Variants in FLNB observed in about 807,000 individuals in gnomAD.
The protein encoded by FLNB is filamin B.
A neutral mutation model predicts 250.6 loss-of-function variants in FLNB; 111 were observed. The observed-to-expected ratio is 0.44, with a 90% CI of 0.38 to 0.52. The LOEUF (loss-of-function observed/expected upper bound fraction) is 0.52, where lower values mean the gene tolerates loss of function less well. FLNB is among the 20% of genes least tolerant of loss of function. FLNB has a pLI of 0.00. For missense variants in FLNB, 2,869 were observed against 3,447.8 expected (o/e 0.83, Z 4.20); for synonymous variants, 1,302 against 1,372.1 (o/e 0.95, Z 1.13).
chr3:58,045,284 G>A (rs375058745), intron 1 of FLNB, among the ~76,000 whole-genome samples: 30 of 152,104 alleles, frequency 2.0e-4, no homozygotes, highest in African/African-American at 6.8e-4. Context: ...TGAAAATGAC[G>A]TTCCCTTCAC....
At chr3:58,055,912 A>G (rs1459606575) in intron 1 of FLNB, among the ~76,000 whole-genome samples, 1 of 152,150 alleles carries the variant, frequency 6.6e-6, no homozygotes, top group Non-Finnish European at 1.5e-5. Context: ...AAGAACTACT[A>G]TAATTATCAT....
chr3:58,096,079 C>A, intron 5 of FLNB, 62 bp from the exon 6 acceptor site: 1 of 1,317,650 alleles, frequency 7.6e-7, no homozygotes, highest in Non-Finnish European at 1.1e-6. Flanking sequence ...CCCCTGCTGA[C>A]ACAGCATGCT....
Position 58,149,861 on chromosome 3 carries a change from A to T in FLNB, c.6103A>T (p.Ile2035Leu), listed in dbSNP as rs1171752585. 1.2e-5 allele frequency: 20 copies of T among 1,614,250 alleles called. No individual in the cohort carries two copies. Among genetic ancestry groups the T allele is most frequent in the Non-Finnish European group, 1.7e-5 (20 of 1,180,046 alleles). ...CTGCTGTGTTGCAGGTTATGGTGGC[A>T]TATCCTTGGCGGTGGAAGGCCCCAG... ...VDTRDAGYGGISLAVEGPSKV... is the reference protein window; with the variant it reads ...VDTRDAGYGGLSLAVEGPSKV... Residue 2035 changes from isoleucine (I) to leucine (L), a missense_variant, in exon 37 of 46, where the codon ATA (isoleucine) becomes TTA (leucine). Coordinates refer to ENST00000295956, the MANE Select transcript of FLNB (RefSeq NM_001457.4).
chr3:58,031,503 A>G (rs2097131057), intron 1 of FLNB, among the ~76,000 whole-genome samples: 1 of 148,876 alleles, frequency 6.7e-6, no homozygotes, highest in South Asian at 2.1e-4. Flanking sequence ...CGGCCTCCCA[A>G]AGTGCTAGGG....
At chr3:58,079,256 T>C (rs945313242) in intron 3 of FLNB, among the ~76,000 whole-genome samples, 1 of 32,580 alleles carries the variant, frequency 3.1e-5, no homozygotes, top group African/African-American at 7.3e-4. Context: ...GGACTTAAAA[T>C]TTTTTTTTTT....
rs1262691162 is a variant in FLNB, at chr3:58,142,208, C to G, written c.5181+279C>G. 6.6e-6 allele frequency among the ~76,000 whole-genome samples: 1 copy of G among 152,212 alleles called. No individual in the cohort carries two copies. The highest frequency in any genetic ancestry group is 2.4e-5 in the African/African-American group (1 of 41,444). ...AAAGAGAAAGACAGACAGCTGTCTG[C>G]AGCCCTCCTGCTGCCTCTCAAAGCC... On this transcript the variant is annotated intron_variant, in intron 30 of 45. Coordinates refer to ENST00000295956, the MANE Select transcript of FLNB (RefSeq NM_001457.4). This position sits in a 1 kb window ranked among gnomAD's most constrained non-coding sequence, Gnocchi z 4.3.
Position 58,138,466 on chromosome 3 carries a change from C to T in FLNB, c.5046C>T (p.Gly1682=). Residue 1682 remains glycine (G), a synonymous_variant, in exon 29 of 46, where the codon GGC becomes GGT. Transcript: ENST00000295956. The part of the protein sequence containing the change: ...YDIFYTAAKP[G]TYVIYVRFGG... ...TCTTCTACACAGCTGCCAAGCCGGG[C>T]ACATATGTGATCTATGTGCGCTTCG... 6.2e-7 allele frequency: 1 copy of T among 1,614,088 alleles called. No individual in the cohort carries two copies. Among genetic ancestry groups the T allele is most frequent in the East Asian group, 2.2e-5 (1 of 44,884 alleles).
At position 58,121,458 on chromosome 3, in the gene FLNB, G is replaced by A. The variant is rs760076678; in HGVS notation, c.3081G>A (p.Gly1027=). ...DVTYDGHPVP[G]SPYTVEASLP... is the part of the protein sequence containing the mutation. ...CCTACGATGGACACCCTGTGCCCGG[G>A]AGCCCCTACACAGTGGAGGCCTCGC... The change falls in exon 20 of 46, where the codon GGG becomes GGA. Residue 1027 remains glycine (G), a synonymous_variant. Coordinates refer to ENST00000295956, the MANE Select transcript of FLNB (RefSeq NM_001457.4). 1.2e-6 allele frequency: 2 copies of A among 1,614,136 alleles called. No individual in the cohort carries two copies. The highest frequency in any genetic ancestry group is 1.7e-6 in the Non-Finnish European group (2 of 1,180,030).
rs373624291 is a variant in FLNB at position 58,093,086 on chromosome 3, G to T, written c.788-1750G>T. ...TGTCCAGGTTTGCTACAAATCAGAA[G>T]GTCCCATTACCCCTTCCTCATGTTA... On this transcript the variant is annotated intron_variant, in intron 4 of 45. Coordinates refer to ENST00000295956, the MANE Select transcript of FLNB (RefSeq NM_001457.4). Among the ~76,000 whole-genome samples the T allele has an allele frequency of 1.6e-4, 24 of 152,294 alleles. No individual in the cohort carries two copies. The South Asian group carries it at 5.0e-3, about 32-fold the overall frequency.
chr3:58,080,849 A>G (rs1469412930), intron 3 of FLNB, among the ~76,000 whole-genome samples: 1 of 149,884 alleles, frequency 6.7e-6, no homozygotes, highest in Non-Finnish European at 1.5e-5. Flanking sequence ...GCTGGAGTGC[A>G]GTGGCATGAT....
intron 1 of FLNB, among the ~76,000 whole-genome samples, chr3:58,042,782 A>G (rs964818949): frequency 6.6e-6 from 1 of 152,122 alleles, no homozygotes; most frequent in Non-Finnish European, 1.5e-5. Context: ...GCCTCCAGCC[A>G]TGAGCCGTTC....
intron 1 of FLNB, among the ~76,000 whole-genome samples, chr3:58,061,742 C>G (rs2097178838): frequency 6.9e-6 from 1 of 143,892 alleles, no homozygotes; most frequent in Admixed American, 6.9e-5. Context: ...CTGTCTCCCC[C>G]TGGCCTCCAA....
intron 12 of FLNB, among the ~76,000 whole-genome samples, chr3:58,107,277 C>A (rs554357317): frequency 3.9e-5 from 6 of 152,154 alleles, no homozygotes; most frequent in Non-Finnish European, 8.8e-5. Context: ...GTGATCCACC[C>A]GCCTCGGCCC....
At chr3:58,011,134 C>T (rs1282729740) in intron 1 of FLNB, among the ~76,000 whole-genome samples, 2 of 152,140 alleles carry the variant, frequency 1.3e-5, no homozygotes, top group East Asian at 3.9e-4. Context: ...AGGCTGGTCT[C>T]GAACTCTTGA....
intron 18 of FLNB, among the ~76,000 whole-genome samples, chr3:58,117,930 G>A (rs1559705487): frequency 6.6e-6 from 1 of 152,154 alleles, no homozygotes; most frequent in African/African-American, 2.4e-5. Flanking sequence ...CAGCAAGGCT[G>A]CTGGATTCTT....
chr3:58,142,655 C>T lies in FLNB; in HGVS notation c.5187C>T (p.Thr1729=), dbSNP rs372707544. The T allele has an allele frequency of 1.4e-5, 23 of 1,613,782 alleles. No individual in the cohort carries two copies. The highest frequency in any genetic ancestry group is 1.7e-5 in the Non-Finnish European group (20 of 1,179,720). Reference sequence around the variant, plus strand: ...CCACTGCCTTCTGTTTTTAGGTGACCGAAGAGGCCTATGTCCCAGTGAGTG... The same window carrying T: ...CCACTGCCTTCTGTTTTTAGGTGACTGAAGAGGCCTATGTCCCAGTGAGTG... ...ACPPGFRPWV[T]EEAYVPVSDM... Residue 1729 remains threonine (T), a synonymous_variant, in exon 31 of 46, where the codon ACC becomes ACT. Transcript: ENST00000295956. This position sits in a 1 kb window ranked among gnomAD's most constrained non-coding sequence, Gnocchi z 4.3.
At chr3:58,152,968 G>A (rs919664280) in intron 38 of FLNB, 2 of 314,454 alleles carry the variant, frequency 6.4e-6, no homozygotes, top group Non-Finnish European at 1.3e-5. Context: ...CTTTGCTCAC[G>A]CATGGTTTCC....
intron 1 of FLNB, among the ~76,000 whole-genome samples, chr3:58,009,241 AGTGCTCTCCCTGCTGCGCCCAGGTTG>A (rs1400368199): frequency 6.6e-6 from 1 of 152,036 alleles, no homozygotes; most frequent in Non-Finnish European, 1.5e-5. Flanking sequence ...TGCTCCGCGG[AGTGCTCTCCCTGCTGCGCCCAGGTTG>A]GTGCTCTCAG....
Position 58,149,957 on chromosome 3 carries a change from G to A in FLNB, c.6199G>A (p.Gly2067Arg), listed in dbSNP as rs1280379253. Residue 2067 changes from glycine to arginine, a missense_variant, in exon 37 of 46, where the codon GGG (glycine) becomes AGG (arginine). Gly to Arg is a moderately radical substitution (Grantham distance 125). Coordinates refer to ENST00000295956, the MANE Select transcript of FLNB (RefSeq NM_001457.4). The part of the protein sequence containing the change: ...CKVSYFPTVP[G>R]VYIVSTKFAD... ...AGTCTCCTACTTCCCTACCGTGCCT[G>A]GGGTTTATATCGTCTCCACCAAATT... 1 of 1,614,262 alleles carries A rather than the reference G, an allele frequency of 6.2e-7. No homozygotes were observed.
Sources: gnomAD v4.1 joint callset for allele counts (sites outside exome capture counted in the v4.1 genomes callset) on GRCh38, gnomAD v4.1.1 for gene constraint, Gnocchi (gnomAD v3.1) non-coding constraint, MANE v1.5 for transcripts, NCBI Gene and HGNC (gene_info 2026-07-23, HGNC 2026-07-21) for gene names.